The following RNF24 variants were observed in gnomAD, a reference collection of about 807,000 sequenced individuals.
RNF24 encodes the protein ring finger protein 24.
A neutral mutation model predicts 20.0 loss-of-function variants in RNF24; 14 were observed. The ratio of observed to expected loss-of-function variants is 0.70; its 90% confidence interval spans 0.46 to 1.10. RNF24 has a LOEUF of 1.10. Among genes scored for constraint, RNF24 ranks in the 50% least tolerant of loss-of-function variants. The probability of loss-of-function intolerance (pLI) is 0.00; values close to 1 mark genes in which losing one functional copy is unlikely to be tolerated. For synonymous variants in RNF24, 45 were observed against 61.1 expected (o/e 0.74, Z 1.23); for missense variants, 124 against 177.6 (o/e 0.70, Z 1.71).
chr20:3,937,541 C>T (rs2090905498), intron 4 of RNF24, among the ~76,000 whole-genome samples: 1 of 152,122 alleles, frequency 6.6e-6, no homozygotes, highest in South Asian at 2.1e-4. Flanking sequence ...AATTCCAGAA[C>T]ATTTGCATCA....
At chr20:3,963,704 A>C (rs6107376) in intron 2 of RNF24, among the ~76,000 whole-genome samples, 171 bp downstream of exon 2, 1,545 of 152,360 alleles carry the variant, frequency 0.01, 15 homozygotes, top group African/African-American at 0.035. Flanking sequence ...ATTGAAGATC[A>C]TATAAAGGTG....
At chr20:3,962,628 T>G (rs962957946) in intron 2 of RNF24, among the ~76,000 whole-genome samples, 2 of 151,160 alleles carry the variant, frequency 1.3e-5, no homozygotes. Context: ...AACAGTTACT[T>G]TACACAGTGC....
chr20:4,006,264 G>C (rs1981861116), intron 1 of RNF24, among the ~76,000 whole-genome samples: 2 of 152,122 alleles, frequency 1.3e-5, no homozygotes, highest in Non-Finnish European at 2.9e-5. Context: ...AGCTACTTGG[G>C]AGGCTGAGGC....
chr20:3,966,971 G>A, intron 1 of RNF24, among the ~76,000 whole-genome samples: 1 of 152,120 alleles, frequency 6.6e-6, no homozygotes, highest in East Asian at 1.9e-4. Context: ...GATCCAGGCT[G>A]GTAGAAGATA....
chr20:3,997,229 CAAAA>C (rs1227396478), intron 1 of RNF24, among the ~76,000 whole-genome samples: 2 of 51,232 alleles, frequency 3.9e-5, no homozygotes, highest in South Asian at 7.5e-4. Context: ...GACTCCATCT[CAAAA>C]AAAAAAAAAA....
chr20:3,969,179 C>A (rs146223709), intron 1 of RNF24, among the ~76,000 whole-genome samples: 1 of 152,100 alleles, frequency 6.6e-6, no homozygotes, highest in African/African-American at 2.4e-5. Context: ...TGGGCACATA[C>A]TGTGTACTTG....
intron 1 of RNF24, among the ~76,000 whole-genome samples, chr20:4,007,971 T>C (rs528736569): frequency 2.0e-5 from 3 of 151,406 alleles, no homozygotes; most frequent in African/African-American, 7.3e-5. Context: ...TGAATCATCA[T>C]ATTGATAGCC....
chr20:3,978,655 A>ATTTTT (rs1979110242), intron 1 of RNF24, among the ~76,000 whole-genome samples: 1 of 152,216 alleles, frequency 6.6e-6, no homozygotes, highest in Non-Finnish European at 1.5e-5. Context: ...ATAGCAGGCA[A>ATTTTT]GTATAAGAAA....
At position 3,929,172 on chromosome 20, in the gene RNF24, A is replaced by AAAG. The variant is rs1392800175; in HGVS notation, c.*4888_*4890dup. ...GCCCGACCAGAAGCATTTTCTTTTCAAAGTGTGTGCACAGAGTGAGGAGGC... is the reference window on the plus strand; with the variant it reads ...GCCCGACCAGAAGCATTTTCTTTTCAAAGAAGTGTGTGCACAGAGTGAGGAGGC... On this transcript the variant is annotated 3_prime_UTR_variant, in exon 6 of 6. Coordinates refer to ENST00000358395, the MANE Select transcript of RNF24 (RefSeq NM_001134337.3). 2 of 152,206 alleles carry AAAG rather than the reference A, an allele frequency of 1.3e-5. No homozygotes were observed. Among genetic ancestry groups the AAAG allele is most frequent in the East Asian group, 1.9e-4 (1 of 5,186 alleles). The allele number at this position is 152,206 out of a possible 1,614,324, so 9.4% of individuals were successfully genotyped here. A position where few individuals can be genotyped will look rare whatever the true frequency, so the allele number is the denominator to read the frequency against.
In RNF24 at chr20:3,934,253, C is replaced by G. The variant is rs756076442; in HGVS notation, c.309-52G>C. Reference sequence around the variant, plus strand: ...AGATGTCAGTCCTATGCTCATGGCACGGCTGTTCTGCTGAACATCTCCATA... The same window carrying G: ...AGATGTCAGTCCTATGCTCATGGCAGGGCTGTTCTGCTGAACATCTCCATA... On this transcript the variant is annotated intron_variant, in intron 5 of 5. Transcript: ENST00000358395. This position sits in a 1 kb window ranked among gnomAD's most constrained non-coding sequence, Gnocchi z 4.0. 4.5e-6 allele frequency: 7 copies of G among 1,559,444 alleles called. No homozygotes were observed. The highest frequency in any genetic ancestry group is 6.1e-6 in the Non-Finnish European group (7 of 1,151,826).
At chr20:3,973,359 A>G (rs1305069628) in intron 1 of RNF24, among the ~76,000 whole-genome samples, 1 of 152,078 alleles carries the variant, frequency 6.6e-6, no homozygotes, top group Non-Finnish European at 1.5e-5. Flanking sequence ...AAGAACCCAG[A>G]AAAAGGGCAA....
At chr20:3,957,674 C>A (rs1348398314) in intron 2 of RNF24, among the ~76,000 whole-genome samples, 1 of 151,810 alleles carries the variant, frequency 6.6e-6, no homozygotes, top group East Asian at 1.9e-4. Context: ...AAAATTCATC[C>A]CTTCTAGAAA....
chr20:3,977,850 C>A (rs562772286), intron 1 of RNF24, among the ~76,000 whole-genome samples: 3 of 136,616 alleles, frequency 2.2e-5, no homozygotes, highest in Non-Finnish European at 4.6e-5. Flanking sequence ...GGCGACACAG[C>A]GAGACTCCGT....
At position 3,947,364 on chromosome 20, in the gene RNF24, CCT is replaced by C. The variant is rs1030535970; in HGVS notation, c.186+871_186+872del. ...TAGAGCCAAAGGAAAATCTAGGCCC[CCT>C]GTTTGGAAGAAAAAAATAATTTTAC... is the stretch of plus-strand genomic sequence containing the variant. On this transcript the variant is annotated intron_variant, in intron 3 of 5. Transcript: ENST00000358395. Among the ~76,000 whole-genome samples, 6 of 152,210 alleles carry C rather than the reference CCT, an allele frequency of 3.9e-5. 1 individual carries two copies. The highest frequency in any genetic ancestry group is 4.2e-4 in the South Asian group (2 of 4,810).
chr20:3,928,058 CTTA>C lies in RNF24; in HGVS notation c.*6002_*6004del, dbSNP rs1407258364. The stretch of plus-strand genomic sequence containing the variant: ...CACACTCCCCAGCACATGGGGATCC[CTTA>C]TTAATCTTTACTAAAGAACCGTGAA... On this transcript the variant is annotated 3_prime_UTR_variant, in exon 6 of 6. Coordinates refer to ENST00000358395, the MANE Select transcript of RNF24 (RefSeq NM_001134337.3). The C allele has an allele frequency of 6.6e-6, 1 of 152,176 alleles. No individual in the cohort carries two copies. The highest frequency in any genetic ancestry group is 2.4e-5 in the African/African-American group (1 of 41,440). The allele number at this position is 152,176 out of a possible 1,614,324, so 9.4% of individuals were successfully genotyped here. A position where few individuals can be genotyped will look rare whatever the true frequency, so the allele number is the denominator to read the frequency against.
In RNF24 at chr20:3,929,737, C is replaced by T. The variant is rs1464466369; in HGVS notation, c.*4326G>A. On this transcript the variant is annotated 3_prime_UTR_variant, in exon 6 of 6. Transcript: ENST00000358395. ...AGCTACAGAGCCTGATCTTGAGCAT[C>T]CTGTCGCAGATAGAAAGTCAATCAG... The T allele has an allele frequency of 6.6e-6, 1 of 152,228 alleles. No individual in the cohort carries two copies. Among genetic ancestry groups the T allele is most frequent in the Non-Finnish European group, 1.5e-5 (1 of 68,048 alleles). The allele number at this position is 152,228 out of a possible 1,614,324, so 9.4% of individuals were successfully genotyped here.
chr20:3,955,627 T>C (rs2091133605), intron 2 of RNF24, among the ~76,000 whole-genome samples: 1 of 152,184 alleles, frequency 6.6e-6, no homozygotes, highest in Non-Finnish European at 1.5e-5. Context: ...CAGTTCCAAA[T>C]GAATTTGAGG....
At chr20:3,938,239 C>T (rs1392357621) in intron 4 of RNF24, among the ~76,000 whole-genome samples, 1 of 152,118 alleles carries the variant, frequency 6.6e-6, no homozygotes, top group Non-Finnish European at 1.5e-5. Flanking sequence ...CCTATTAAGT[C>T]CTTTGTCAAT....
intron 1 of RNF24, among the ~76,000 whole-genome samples, chr20:3,979,126 A>G (rs1254850332): frequency 6.7e-6 from 1 of 149,956 alleles, no homozygotes; most frequent in Admixed American, 6.7e-5. Context: ...AATAATATAT[A>G]TATATTATAT....
Sources: allele counts gnomAD v4.1 joint callset (sites outside exome capture counted in the v4.1 genomes callset), GRCh38; gene constraint gnomAD v4.1.1; non-coding constraint Gnocchi (gnomAD v3.1); transcripts MANE v1.5; gene names NCBI Gene and HGNC (gene_info 2026-07-23, HGNC 2026-07-21).